The following APOL6 variants were observed in gnomAD, a reference collection of about 807,000 sequenced individuals.
APOL6 encodes apolipoprotein L, 6.
APOL6 carries 1 observed loss-of-function variant against 2.4 expected under a neutral mutation model. That is an observed-to-expected ratio of 0.41 (90% CI 0.15 to 1.94). The LOEUF (loss-of-function observed/expected upper bound fraction) is 1.94, where lower values mean the gene tolerates loss of function less well. Ranked by LOEUF, APOL6 falls within the 30% of genes most tolerant of loss-of-function variation. The pLI, the probability that APOL6 is intolerant of heterozygous loss-of-function variation, is 0.30. For synonymous variants in APOL6, 189 were observed against 169.3 expected (o/e 1.12, Z -0.90); for missense variants, 438 against 429.2 (o/e 1.02, Z -0.18).
In APOL6 at chr22:35,659,579, TA is replaced by T. The variant is rs775310587; in HGVS notation, c.1016del (p.Tyr339LeufsTer21). 1 of 1,608,920 alleles carries T rather than the reference TA, an allele frequency of 6.2e-7. No individual in the cohort carries two copies. Among genetic ancestry groups the T allele is most frequent in the South Asian group, 1.1e-5 (1 of 90,436 alleles). ...WLCVCLCVCV[Y>X]VQFT ...GTGTGTGTGTCTGTGTGTCTGTGTG[TA>T]TGTACAGTTTACATGAATGTTCCTC... On this transcript the variant is annotated frameshift_variant, in exon 3 of 3. Transcript: ENST00000409652. LOFTEE classifies it low-confidence loss of function (END_TRUNC).
chr22:35,651,400 A>G (rs1331225970), intron 1 of APOL6, among the ~76,000 whole-genome samples: 2 of 152,164 alleles, frequency 1.3e-5, no homozygotes, highest in Admixed American at 1.3e-4. Flanking sequence ...TCCTCTTCTT[A>G]TAATGACATC....
chr22:35,655,694 A>G (rs1924826372), intron 1 of APOL6, among the ~76,000 whole-genome samples: 3 of 152,010 alleles, frequency 2.0e-5, no homozygotes, highest in Admixed American at 2.0e-4. Context: ...CTCAACCCTC[A>G]TAAGTTCTTA....
Position 35,658,969 on chromosome 22 carries a change from T to C in APOL6, c.405T>C (p.Asn135=). The change falls in exon 3 of 3, where the codon AAT becomes AAC. Residue 135 remains asparagine (N), a synonymous_variant. Coordinates refer to ENST00000409652, the MANE Select transcript of APOL6 (RefSeq NM_030641.4). ...IVSGTLERSK[N]KEAQARAEDI... is the part of the protein sequence containing the mutation. Reference sequence around the variant, plus strand: ...GTGGTACGTTGGAACGCTCCAAAAATAAAGAAGCCCAAGCACGGGCGGAAG... The same window carrying C: ...GTGGTACGTTGGAACGCTCCAAAAACAAAGAAGCCCAAGCACGGGCGGAAG... 6.2e-7 allele frequency: 1 copy of C among 1,613,520 alleles called. No individual in the cohort carries two copies. Among genetic ancestry groups the C allele is most frequent in the Non-Finnish European group, 8.5e-7 (1 of 1,179,968 alleles).
rs1290321671 is a variant in APOL6 at position 35,667,520 on chromosome 22, G to A, written c.*7924G>A. On this transcript the variant is annotated 3_prime_UTR_variant, in exon 3 of 3. Transcript: ENST00000409652. ...CGTTTTTAGAAAGTCCTTGGAAACA[G>A]TTCTCATTTCAGACATGTAAGCATG... 3 of 152,212 alleles carry A rather than the reference G, an allele frequency of 2.0e-5. No homozygotes were observed. The highest frequency in any genetic ancestry group is 1.3e-4 in the Admixed American group (2 of 15,274). The allele number at this position is 152,212 out of a possible 1,614,324, so 9.4% of individuals were successfully genotyped here. A position where few individuals can be genotyped will look rare whatever the true frequency, so the allele number is the denominator to read the frequency against.
Position 35,658,939 on chromosome 22 carries a change from C to T in APOL6, c.375C>T (p.Ile125=), listed in dbSNP as rs771515130. Residue 125 remains isoleucine, a synonymous_variant, in exon 3 of 3, where the codon ATC becomes ATT. Transcript: ENST00000409652. ...CAACAGCAGCTGGGGTCACCAGCAT[C>T]GTGAGTGGTACGTTGGAACGCTCCA... is the stretch of plus-strand genomic sequence containing the variant. ...GLATAAGVTS[I]VSGTLERSKN... 3.7e-5 allele frequency: 59 copies of T among 1,613,806 alleles called. No homozygotes were observed. In the Middle Eastern group the frequency reaches 6.6e-4, roughly 18 times the overall value.
rs1433509794 is a variant in APOL6, at chr22:35,666,246, G to A, written c.*6650G>A. ...AAACTTTTTTCTTCCATGCACAATT[G>A]TTGTTTTGGTCCTCTTTTTTAAATA... On this transcript the variant is annotated 3_prime_UTR_variant, in exon 3 of 3. Coordinates refer to ENST00000409652, the MANE Select transcript of APOL6 (RefSeq NM_030641.4). 1 of 152,002 alleles carries A rather than the reference G, an allele frequency of 6.6e-6. No individual in the cohort carries two copies. Among genetic ancestry groups the A allele is most frequent in the Non-Finnish European group, 1.5e-5 (1 of 67,990 alleles). The allele number at this position is 152,002 out of a possible 1,614,324, so 9.4% of individuals were successfully genotyped here.
Position 35,648,555 on chromosome 22 carries a change from G to A in APOL6, c.-116G>A, listed in dbSNP as rs1414879969. The stretch of plus-strand genomic sequence containing the variant: ...AGACCAGGGGACCTCGGAGAGGCAA[G>A]GACAGAGGTTCAGGATCTTCCTCTC... On this transcript the variant is annotated 5_prime_UTR_variant, in exon 1 of 3. Coordinates refer to ENST00000409652, the MANE Select transcript of APOL6 (RefSeq NM_030641.4). 1 of 152,300 alleles carries A rather than the reference G, an allele frequency of 6.6e-6. No homozygotes were observed. The highest frequency in any genetic ancestry group is 1.5e-5 in the Non-Finnish European group (1 of 68,098). 9.4% of individuals were successfully genotyped at this position (152,300 alleles called of 1,614,324 possible).
chr22:35,650,608 GAATGGCTATA>G (rs1367104438), intron 1 of APOL6, among the ~76,000 whole-genome samples: 1 of 152,078 alleles, frequency 6.6e-6, no homozygotes, highest in African/African-American at 2.4e-5. Context: ...ATGAATGAAT[GAATGGCTATA>G]AATGAATGGC....
In APOL6 at chr22:35,668,166, A is replaced by C. The variant is rs1238981644; in HGVS notation, c.*8570A>C. The C allele has an allele frequency of 2.0e-5, 3 of 152,258 alleles. No homozygotes were observed. Among genetic ancestry groups the C allele is most frequent in the African/African-American group, 7.2e-5 (3 of 41,472 alleles). The allele number at this position is 152,258 out of a possible 1,614,324, so 9.4% of individuals were successfully genotyped here. A position where few individuals can be genotyped will look rare whatever the true frequency, so the allele number is the denominator to read the frequency against. On this transcript the variant is annotated 3_prime_UTR_variant, in exon 3 of 3. Coordinates refer to ENST00000409652, the MANE Select transcript of APOL6 (RefSeq NM_030641.4). ...ATAATTACTCTTTCAACCAATTGCCAATCAGAAAATTGTTATATCTACCTA... is the reference window on the plus strand; with the variant it reads ...ATAATTACTCTTTCAACCAATTGCCCATCAGAAAATTGTTATATCTACCTA...
At chr22:35,657,053 G>A (rs1486005268) in intron 2 of APOL6, among the ~76,000 whole-genome samples, 2 of 152,224 alleles carry the variant, frequency 1.3e-5, no homozygotes, top group Admixed American at 6.5e-5. Flanking sequence ...CATGTGAGAC[G>A]CTTGGTTTAA....
In APOL6 at chr22:35,664,464, T is replaced by C. The variant is rs1241873668; in HGVS notation, c.*4868T>C. 1.3e-5 allele frequency: 2 copies of C among 152,216 alleles called. No homozygotes were observed. The highest frequency in any genetic ancestry group is 4.8e-5 in the African/African-American group (2 of 41,460). The allele number at this position is 152,216 out of a possible 1,614,324, so 9.4% of individuals were successfully genotyped here. ...ACTTAAACTAGGTTCCTCCCAAAGT[T>C]CATTCGGCCTATGCCCAGGAATGAA... On this transcript the variant is annotated 3_prime_UTR_variant, in exon 3 of 3. Coordinates refer to ENST00000409652, the MANE Select transcript of APOL6 (RefSeq NM_030641.4).
chr22:35,656,487 G>T lies in APOL6; in HGVS notation c.50+12G>T, dbSNP rs761755664. Reference sequence around the variant, plus strand: ...GTTGGTTTGCAAAGGTAATCCAAAGGGTGTAGTCCCCAGGGAGAGGGCTGA... The same window carrying T: ...GTTGGTTTGCAAAGGTAATCCAAAGTGTGTAGTCCCCAGGGAGAGGGCTGA... On this transcript the variant is annotated intron_variant, in intron 2 of 2. Coordinates refer to ENST00000409652, the MANE Select transcript of APOL6 (RefSeq NM_030641.4). 5 of 1,613,982 alleles carry T rather than the reference G, an allele frequency of 3.1e-6. No homozygotes were observed. The highest frequency in any genetic ancestry group is 4.2e-6 in the Non-Finnish European group (5 of 1,179,944).
In APOL6 at chr22:35,656,486, G is replaced by A. The variant is rs146182015; in HGVS notation, c.50+11G>A. 7.7e-5 allele frequency: 124 copies of A among 1,614,044 alleles called. No individual in the cohort carries two copies. In the African/African-American group the frequency reaches 1.5e-3, roughly 19 times the overall value. Reference sequence around the variant, plus strand: ...TGTTGGTTTGCAAAGGTAATCCAAAGGGTGTAGTCCCCAGGGAGAGGGCTG... The same window carrying A: ...TGTTGGTTTGCAAAGGTAATCCAAAAGGTGTAGTCCCCAGGGAGAGGGCTG... On this transcript the variant is annotated intron_variant, in intron 2 of 2. Coordinates refer to ENST00000409652, the MANE Select transcript of APOL6 (RefSeq NM_030641.4).
chr22:35,659,826 C>T lies in APOL6; in HGVS notation c.*230C>T, dbSNP rs185309351. 139 of 652,030 alleles carry T rather than the reference C, an allele frequency of 2.1e-4. 1 individual carries two copies. Among genetic ancestry groups the T allele is most frequent in the Middle Eastern group, 1.3e-3 (3 of 2,230 alleles). The allele number at this position is 652,030 out of a possible 1,614,324, so 40.4% of individuals were successfully genotyped here. On this transcript the variant is annotated 3_prime_UTR_variant, in exon 3 of 3. Transcript: ENST00000409652. ...TGTTGCCCAGGCTGGAGTGCAGTGG[C>T]GTAATCTCGGCTCACTGCAACCTCT...
At chr22:35,652,515 T>C (rs1318698918) in intron 1 of APOL6, among the ~76,000 whole-genome samples, 1 of 152,054 alleles carries the variant, frequency 6.6e-6, no homozygotes, top group Non-Finnish European at 1.5e-5. Context: ...TCTTCTAGGG[T>C]TTTTATGGTT....
intron 1 of APOL6, among the ~76,000 whole-genome samples, chr22:35,652,193 CTT>C (rs1924715323): frequency 6.6e-6 from 1 of 152,084 alleles, no homozygotes; most frequent in African/African-American, 2.4e-5. Flanking sequence ...GCATAAATGT[CTT>C]GTTTTGAGAA....
rs549596770 is a variant in APOL6 at position 35,652,356 on chromosome 22, G to A, written c.-48+3733G>A. 5.7e-4 allele frequency among the ~76,000 whole-genome samples: 87 copies of A among 152,154 alleles called. No individual in the cohort carries two copies. In the Middle Eastern group the frequency reaches 0.02, roughly 36 times the overall value. On this transcript the variant is annotated intron_variant, in intron 1 of 2. Transcript: ENST00000409652. ...CTCCCATTCTGTAGGTTGCCTGTTC[G>A]CTCTGATGGTAGTTTCTTTTGCTGT...
rs1301219213 is a variant in APOL6, at chr22:35,660,217, T to G, written c.*621T>G. 6.5e-6 allele frequency: 1 copy of G among 153,858 alleles called. No homozygotes were observed. The highest frequency in any genetic ancestry group is 2.4e-5 in the African/African-American group (1 of 41,444). The allele number at this position is 153,858 out of a possible 1,614,324, so 9.5% of individuals were successfully genotyped here. On this transcript the variant is annotated 3_prime_UTR_variant, in exon 3 of 3. Coordinates refer to ENST00000409652, the MANE Select transcript of APOL6 (RefSeq NM_030641.4). ...CCTTTGGGAGGTAATTAGGGTTGAC[T>G]GAGGCCATAGGGTGAGGTCCTAACC...
At chr22:35,655,558 T>A (rs1051779641) in intron 1 of APOL6, among the ~76,000 whole-genome samples, 2 of 152,214 alleles carry the variant, frequency 1.3e-5, no homozygotes, top group African/African-American at 4.8e-5. Context: ...TTTTCAAAAT[T>A]GTTATTGCTA....
Sources: allele counts gnomAD v4.1 joint callset (sites outside exome capture counted in the v4.1 genomes callset), GRCh38; gene constraint gnomAD v4.1.1; transcripts MANE v1.5; gene names NCBI Gene and HGNC (gene_info 2026-07-23, HGNC 2026-07-21).